The following NCKAP5 variants were observed in gnomAD, a reference collection of about 807,000 sequenced individuals.
NCKAP5 encodes NCK associated protein 5.
A neutral mutation model predicts 167.0 loss-of-function variants in NCKAP5; 92 were observed. That is an observed-to-expected ratio of 0.55 (90% CI 0.47 to 0.66). NCKAP5 has a LOEUF of 0.66. NCKAP5 is among the 30% of genes least tolerant of loss of function. NCKAP5 has a pLI of 0.00. For missense variants in NCKAP5, 2,378 were observed against 2,315.0 expected (o/e 1.03, Z -0.56); for synonymous variants, 891 against 877.4 (o/e 1.02, Z -0.27).
intron 3 of NCKAP5, among the ~76,000 whole-genome samples, chr2:133,436,102 T>TC (rs1228336634): frequency 2.6e-5 from 4 of 152,064 alleles, no homozygotes; most frequent in Admixed American, 1.3e-4. Context: ...ATATTTACCA[T>TC]CCCCCCACTC....
intron 4 of NCKAP5, chr2:133,264,980 A>T (rs534462092): frequency 6.6e-6 from 1 of 152,332 alleles, no homozygotes; most frequent in South Asian, 2.1e-4. Flanking sequence ...TTTTATCTAG[A>T]CTGTGTCTTT....
At chr2:132,794,648 TACACACACACACACACAC>T (rs4057986) in intron 12 of NCKAP5, among the ~76,000 whole-genome samples, 1 of 142,476 alleles carries the variant, frequency 7.0e-6, no homozygotes, top group Non-Finnish European at 1.5e-5. Context: ...CAACAACAAA[TACACACACACACACACAC>T]ACACACACAC....
At chr2:133,166,081 CA>C (rs998467399) in intron 5 of NCKAP5, among the ~76,000 whole-genome samples, 19 of 151,930 alleles carry the variant, frequency 1.3e-4, no homozygotes, top group Admixed American at 6.6e-5. Flanking sequence ...TAGGGCCCTG[CA>C]GTGGAAGGAA....
intron 11 of NCKAP5, among the ~76,000 whole-genome samples, chr2:132,845,231 T>A (rs1268462249): frequency 6.6e-6 from 1 of 152,152 alleles, no homozygotes; most frequent in Non-Finnish European, 1.5e-5. Flanking sequence ...GTCAAAAACC[T>A]TTTCTCCTAG....
intron 6 of NCKAP5, among the ~76,000 whole-genome samples, chr2:133,096,355 G>A (rs111606325): frequency 0.011 from 1,700 of 152,170 alleles, 40 homozygotes; most frequent in African/African-American, 0.039. Flanking sequence ...GACAGATGTG[G>A]TGGTGCGCCT....
At chr2:133,237,572 G>GA (rs2087482005) in intron 4 of NCKAP5, among the ~76,000 whole-genome samples, 1 of 152,168 alleles carries the variant, frequency 6.6e-6, no homozygotes, top group African/African-American at 2.4e-5. Context: ...CCCAGGAGAA[G>GA]CAGATACTGA....
chr2:133,077,597 G>A (rs1180446705), intron 6 of NCKAP5, among the ~76,000 whole-genome samples: 14 of 152,118 alleles, frequency 9.2e-5, no homozygotes, highest in Non-Finnish European at 1.5e-4. Flanking sequence ...CCCCGATGAT[G>A]GGACAAGACA....
At chr2:132,686,193 C>T (rs1685911345) in intron 19 of NCKAP5, among the ~76,000 whole-genome samples, 2 of 152,156 alleles carry the variant, frequency 1.3e-5, no homozygotes, top group Admixed American at 6.5e-5. Flanking sequence ...CAGTAGCATG[C>T]AGATAGTTAT....
intron 5 of NCKAP5, among the ~76,000 whole-genome samples, chr2:133,178,504 CAAAAAAAAAAAAAAAAAA>C (rs869253241): frequency 2.0e-3 from 49 of 23,948 alleles, no homozygotes; most frequent in African/African-American, 9.1e-3. Flanking sequence ...GACCCTGTCT[CAAAAAAAAAAAAAAAAAA>C]AAAAAAAAAA....
intron 4 of NCKAP5, among the ~76,000 whole-genome samples, chr2:133,247,074 A>G (rs1055761775): frequency 6.6e-6 from 1 of 152,242 alleles, no homozygotes; most frequent in African/African-American, 2.4e-5. Flanking sequence ...AATCATTTAT[A>G]TCACATGCAC....
At chr2:132,703,608 T>C (rs1688079898) in intron 19 of NCKAP5, among the ~76,000 whole-genome samples, 1 of 152,140 alleles carries the variant, frequency 6.6e-6, no homozygotes, top group African/African-American at 2.4e-5. Context: ...GTTGAAGACT[T>C]GGAGTTGCTG....
At chr2:133,613,307 C>G in the NCKAP5 span, among the ~76,000 whole-genome samples, 3 of 152,084 alleles carry the variant, frequency 2.0e-5, no homozygotes, top group Non-Finnish European at 4.4e-5. Context: ...TACTTTATAA[C>G]AGAAAACAAT....
chr2:133,417,374 C>T (rs76697987), intron 3 of NCKAP5, among the ~76,000 whole-genome samples: 1 of 152,182 alleles, frequency 6.6e-6, no homozygotes, highest in East Asian at 1.9e-4. Context: ...TTCTCTCCTA[C>T]TAGGTGAGCC....
chr2:133,077,000 C>T (rs1332577841), intron 6 of NCKAP5, among the ~76,000 whole-genome samples: 4 of 152,130 alleles, frequency 2.6e-5, no homozygotes, highest in African/African-American at 7.2e-5. Flanking sequence ...TAGAGAATTA[C>T]TGGGTAGGCA....
At chr2:133,248,354 C>T (rs1014217853) in intron 4 of NCKAP5, among the ~76,000 whole-genome samples, 4 of 152,226 alleles carry the variant, frequency 2.6e-5, no homozygotes, top group Non-Finnish European at 5.9e-5. Context: ...CTACCTTATC[C>T]TCAAACAAAA....
intron 3 of NCKAP5, among the ~76,000 whole-genome samples, chr2:133,363,467 C>T (rs1685257135): frequency 6.6e-6 from 1 of 152,162 alleles, no homozygotes. Context: ...AATTCCCTGA[C>T]TAGTTACATA....
intron 9 of NCKAP5, among the ~76,000 whole-genome samples, chr2:132,877,768 G>T (rs1027030105): frequency 3.3e-5 from 5 of 152,180 alleles, no homozygotes; most frequent in Non-Finnish European, 4.4e-5. Flanking sequence ...TGCATTGGAG[G>T]AGAGGGGAAT....
chr2:133,355,427 A>G (rs1013746992), intron 3 of NCKAP5, among the ~76,000 whole-genome samples: 2 of 152,218 alleles, frequency 1.3e-5, no homozygotes, highest in Non-Finnish European at 2.9e-5. Flanking sequence ...AAGATATAAG[A>G]TGCTAATATT....
intron 3 of NCKAP5, among the ~76,000 whole-genome samples, chr2:133,342,279 G>A (rs2150771982): frequency 1.3e-5 from 2 of 152,278 alleles, no homozygotes; most frequent in Middle Eastern, 6.8e-3. Flanking sequence ...CTGAGATTTT[G>A]ATGCAGTAGG....
Sources: allele counts gnomAD v4.1 joint callset (sites outside exome capture counted in the v4.1 genomes callset), GRCh38; gene constraint gnomAD v4.1.1; transcripts MANE v1.5; gene names NCBI Gene and HGNC (gene_info 2026-07-23, HGNC 2026-07-21).